Variants in CACNA2D3 observed in about 807,000 individuals in gnomAD.
CACNA2D3 encodes calcium voltage-gated channel auxiliary subunit alpha2delta 3, also known as voltage-dependent calcium channel subunit alpha-2/delta-3.
A neutral mutation model predicts 160.6 loss-of-function variants in CACNA2D3; 60 were observed. The ratio of observed to expected loss-of-function variants is 0.37; its 90% CI spans 0.30 to 0.46. CACNA2D3 has a LOEUF of 0.46. Among genes scored for constraint, CACNA2D3 ranks in the 20% least tolerant of loss-of-function variants. CACNA2D3 has a pLI of 1.00. For synonymous variants in CACNA2D3, 558 were observed against 492.9 expected (o/e 1.13, Z -1.75); for missense variants, 1,205 against 1,365.0 (o/e 0.88, Z 1.85).
chr3:55,038,001 C>T (rs1703868064), intron 35 of CACNA2D3, among the ~76,000 whole-genome samples: 1 of 152,198 alleles, frequency 6.6e-6, no homozygotes, highest in Admixed American at 6.5e-5. Context: ...TATAACCTTC[C>T]TGAGAAGTCA....
chr3:54,789,994 C>A, intron 13 of CACNA2D3: 1 of 384,948 alleles, frequency 2.6e-6, no homozygotes, highest in Non-Finnish European at 5.3e-6. Context: ...AAATAAACAT[C>A]TTGTATAATG....
At chr3:54,301,876 T>C (rs1235137773) in intron 2 of CACNA2D3, among the ~76,000 whole-genome samples, 1 of 152,220 alleles carries the variant, frequency 6.6e-6, no homozygotes, top group Non-Finnish European at 1.5e-5. Flanking sequence ...GGCAGATACA[T>C]GTCTCCCACC....
intron 11 of CACNA2D3, among the ~76,000 whole-genome samples, chr3:54,748,849 G>A (rs997532130): frequency 6.6e-6 from 1 of 152,160 alleles, no homozygotes; most frequent in South Asian, 2.1e-4. Flanking sequence ...AGAAACTCCA[G>A]TTGTTGGAAA....
At chr3:54,209,396 C>A (rs1339074490) in intron 2 of CACNA2D3, among the ~76,000 whole-genome samples, 1 of 152,174 alleles carries the variant, frequency 6.6e-6, no homozygotes, top group East Asian at 1.9e-4. Context: ...CTAACTGGGG[C>A]TGGGTCTCAT....
intron 3 of CACNA2D3, among the ~76,000 whole-genome samples, chr3:54,364,305 C>T (rs1366029976): frequency 3.3e-5 from 5 of 152,176 alleles, no homozygotes; most frequent in Non-Finnish European, 7.4e-5. Flanking sequence ...ACAACAGGGA[C>T]ATACGATTTT....
At chr3:54,450,877 C>T (rs1348247737) in intron 4 of CACNA2D3, among the ~76,000 whole-genome samples, 1 of 152,102 alleles carries the variant, frequency 6.6e-6, no homozygotes, top group Non-Finnish European at 1.5e-5. Context: ...TGTGGTGCAT[C>T]CTGGGACAAA....
intron 9 of CACNA2D3, among the ~76,000 whole-genome samples, chr3:54,592,160 A>T (rs1472418502): frequency 6.6e-6 from 1 of 152,194 alleles, no homozygotes; most frequent in Admixed American, 6.5e-5. Context: ...GAAGTAGATC[A>T]TTTAAATTAT....
At chr3:55,050,463 C>T (rs1038998665) in intron 35 of CACNA2D3, among the ~76,000 whole-genome samples, 3 of 151,190 alleles carry the variant, frequency 2.0e-5, no homozygotes, top group East Asian at 1.9e-4. Context: ...GAGTTTCTGC[C>T]GAGAGATCCG....
Position 55,052,708 on chromosome 3 carries a change from G to T in CACNA2D3, c.2988-20737G>T, listed in dbSNP as rs978436177. On this transcript the variant is annotated intron_variant, in intron 35 of 37. Coordinates refer to ENST00000474759, the MANE Select transcript of CACNA2D3 (RefSeq NM_018398.3). Reference sequence around the variant, plus strand: ...TATTTAGGATTGTTATGCCTTTTTAGTGAATTGGCTCCTCTGTCATTTTGT... The same window carrying T: ...TATTTAGGATTGTTATGCCTTTTTATTGAATTGGCTCCTCTGTCATTTTGT... Among the ~76,000 whole-genome samples the T allele has an allele frequency of 9.9e-5, 15 of 152,144 alleles. No individual in the cohort carries two copies. In the South Asian group the frequency reaches 2.7e-3, roughly 27 times the overall value.
At chr3:54,809,177 T>G (rs1267680896) in intron 13 of CACNA2D3, among the ~76,000 whole-genome samples, 1 of 151,814 alleles carries the variant, frequency 6.6e-6, no homozygotes, top group Non-Finnish European at 1.5e-5. Flanking sequence ...CTTTCATTGC[T>G]TCTTCCTTTC....
At chr3:54,850,388 GC>G (rs959424743) in intron 17 of CACNA2D3, among the ~76,000 whole-genome samples, 2 of 152,160 alleles carry the variant, frequency 1.3e-5, no homozygotes, top group African/African-American at 4.8e-5. Context: ...TTGTTATGAT[GC>G]CCCTGGAATG....
intron 2 of CACNA2D3, among the ~76,000 whole-genome samples, chr3:54,234,012 A>T (rs1205040311): frequency 1.3e-5 from 2 of 152,208 alleles, no homozygotes; most frequent in Non-Finnish European, 2.9e-5. Flanking sequence ...ATTGAGAAGT[A>T]GGATCTAATT....
At position 54,509,291 on chromosome 3, in the gene CACNA2D3, TTG is replaced by T. The variant is rs10586548; in HGVS notation, c.544+5657_544+5658del. On this transcript the variant is annotated intron_variant, in intron 5 of 37. Coordinates refer to ENST00000474759, the MANE Select transcript of CACNA2D3 (RefSeq NM_018398.3). Reference sequence around the variant, plus strand: ...CTTTTCCCTTCACGTGTGTGTGTGTTTGTGTGTGTGTGTGTGTGTGTTTGAGA... The same window carrying T: ...CTTTTCCCTTCACGTGTGTGTGTGTTTGTGTGTGTGTGTGTGTGTTTGAGA... Among the ~76,000 whole-genome samples, 710 of 150,962 alleles carry T rather than the reference TTG, an allele frequency of 4.7e-3. 4 individuals carry two copies. The highest frequency in any genetic ancestry group is 0.015 in the African/African-American group (612 of 41,054).
At chr3:54,273,576 G>A (rs117980380) in intron 2 of CACNA2D3, among the ~76,000 whole-genome samples, 2,544 of 152,240 alleles carry the variant, frequency 0.017, 55 homozygotes, top group East Asian at 0.052. Flanking sequence ...CACATTAAAG[G>A]TGAGACTTAG....
At chr3:54,696,917 G>T (rs1700676421) in intron 11 of CACNA2D3, among the ~76,000 whole-genome samples, 1 of 152,122 alleles carries the variant, frequency 6.6e-6, no homozygotes, top group African/African-American at 2.4e-5. Context: ...CAGTGTTTTT[G>T]ATCCTGTTGT....
At chr3:54,668,226 A>G (rs1700102554) in intron 11 of CACNA2D3, among the ~76,000 whole-genome samples, 1 of 152,234 alleles carries the variant, frequency 6.6e-6, no homozygotes, top group East Asian at 1.9e-4. Context: ...TGGGTTAATC[A>G]GACATACAGT....
At chr3:54,286,373 T>C (rs1349918582) in intron 2 of CACNA2D3, among the ~76,000 whole-genome samples, 2 of 151,980 alleles carry the variant, frequency 1.3e-5, no homozygotes, top group African/African-American at 4.8e-5. Context: ...AAGGGAAGTT[T>C]AGAGAAAAAA....
At chr3:54,381,952 G>A (rs892383676) in intron 3 of CACNA2D3, among the ~76,000 whole-genome samples, 4 of 152,186 alleles carry the variant, frequency 2.6e-5, no homozygotes, top group African/African-American at 7.2e-5. Flanking sequence ...AGTCGAGCAT[G>A]TGTATTCCAG....
At chr3:54,932,328 A>T (rs1482047992) in intron 27 of CACNA2D3, among the ~76,000 whole-genome samples, 2 of 152,170 alleles carry the variant, frequency 1.3e-5, no homozygotes, top group African/African-American at 2.4e-5. Context: ...AGTGTTAGAG[A>T]TGGAGGAATT....
Sources: gnomAD v4.1 joint callset for allele counts (sites outside exome capture counted in the v4.1 genomes callset) on GRCh38, gnomAD v4.1.1 for gene constraint, MANE v1.5 for transcripts, NCBI Gene and HGNC (gene_info 2026-07-23, HGNC 2026-07-21) for gene names.